Variants in ALDH2 observed in about 807,000 individuals in gnomAD.
The protein encoded by ALDH2 is aldehyde dehydrogenase 2 family member.
A neutral mutation model predicts 59.6 loss-of-function variants in ALDH2; 44 were observed. The observed-to-expected ratio is 0.74, with a 90% CI of 0.58 to 0.95. The LOEUF is 0.95. Among genes scored for constraint, ALDH2 ranks in the 40% least tolerant of loss-of-function variants. The pLI is 0.00. For missense variants in ALDH2, 570 were observed against 696.3 expected, an observed-to-expected ratio of 0.82 and a Z score of 2.04; for synonymous variants, 291 against 284.0, an observed-to-expected ratio of 1.02 and a Z score of -0.25.
Position 111,791,357 on chromosome 12 carries a change from G to T in ALDH2, c.733G>T (p.Ala245Ser). ...CATTGTGCCTGGATTTGGCCCCACG[G>T]CTGGGGCCGCCATTGCCTCCCATGA... is the stretch of plus-strand genomic sequence containing the variant. ...VNIVPGFGPT[A>S]GAAIASHEDV... The change falls in exon 7 of 13, where the codon GCT becomes TCT. Residue 245 changes from alanine to serine, a missense_variant. Transcript: ENST00000261733. 6.2e-7 allele frequency: 1 copy of T among 1,614,066 alleles called. No homozygotes were observed. The highest frequency in any genetic ancestry group is 8.5e-7 in the Non-Finnish European group (1 of 1,179,988).
chr12:111,785,379 G>A (rs771205908), intron 4 of ALDH2, 33 bp downstream of exon 4: 3 of 1,592,798 alleles, frequency 1.9e-6, no homozygotes, highest in Non-Finnish European at 2.6e-6. Context: ...CTTTGTTCTG[G>A]CAGGGGAAAA....
At chr12:111,802,327 G>A (rs373195043) in intron 11 of ALDH2, among the ~76,000 whole-genome samples, 12 of 149,736 alleles carry the variant, frequency 8.0e-5, no homozygotes, top group Admixed American at 7.4e-4. Flanking sequence ...CAGGAGAATC[G>A]CTTGAACCCG....
rs560531019 is a variant in ALDH2, at chr12:111,769,211, A to T, written c.114+2115A>T. The stretch of plus-strand genomic sequence containing the variant: ...CTTTATCAGACTTTTTGAGATCATT[A>T]AAGTAACACATGCCCACTGTATAAA... On this transcript the variant is annotated intron_variant, in intron 1 of 12. Coordinates refer to ENST00000261733, the MANE Select transcript of ALDH2 (RefSeq NM_000690.4). Among the ~76,000 whole-genome samples the T allele has an allele frequency of 7.9e-4, 120 of 152,274 alleles. 1 individual carries two copies. The highest frequency in any genetic ancestry group is 2.6e-3 in the African/African-American group (107 of 41,552).
At chr12:111,796,674 G>A (rs972870675) in intron 9 of ALDH2, among the ~76,000 whole-genome samples, 1 of 152,082 alleles carries the variant, frequency 6.6e-6, no homozygotes, top group African/African-American at 2.4e-5. Context: ...GGGAGGCCAA[G>A]GTGAGTCAAT....
chr12:111,796,014 A>G (rs1593082524), intron 9 of ALDH2, among the ~76,000 whole-genome samples: 1 of 151,732 alleles, frequency 6.6e-6, no homozygotes, highest in South Asian at 2.1e-4. Context: ...TAACCCCAAC[A>G]CTTTGGGAGG....
chr12:111,786,231 G>C (rs369166762), intron 4 of ALDH2, among the ~76,000 whole-genome samples: 27 of 152,154 alleles, frequency 1.8e-4, no homozygotes, highest in African/African-American at 6.5e-4. Flanking sequence ...TTGATTGATT[G>C]ATTGATTATT....
At chr12:111,806,040 G>A (rs1344005782) in intron 12 of ALDH2, among the ~76,000 whole-genome samples, 10 of 147,340 alleles carry the variant, frequency 6.8e-5, no homozygotes, top group Non-Finnish European at 1.2e-4. Context: ...CAGGCCGGGC[G>A]CAGTGGCTCA....
intron 9 of ALDH2, among the ~76,000 whole-genome samples, chr12:111,793,739 C>T (rs1008869120): frequency 3.3e-5 from 5 of 151,446 alleles, no homozygotes; most frequent in African/African-American, 1.2e-4. Flanking sequence ...GTGCGCACCA[C>T]CACGCCTGGC....
intron 1 of ALDH2, among the ~76,000 whole-genome samples, chr12:111,776,166 C>T (rs2068233094): frequency 6.6e-6 from 1 of 152,168 alleles, no homozygotes. Context: ...GCCCACCTCT[C>T]CCCTTCCTAC....
Position 111,792,123 on chromosome 12 carries a change from G to A in ALDH2, c.858G>A (p.Leu286=), listed in dbSNP as rs554937672. The stretch of plus-strand genomic sequence containing the variant: ...ACCTCAAGAGAGTGACCTTGGAGCT[G>A]GGGGGGAAGAGCCCCAACATCATCA... The part of the protein sequence containing the change: ...SSNLKRVTLE[L]GGKSPNIIMS... Residue 286 remains leucine (L), a synonymous_variant, in exon 8 of 13, where the codon CTG becomes CTA. Coordinates refer to ENST00000261733, the MANE Select transcript of ALDH2 (RefSeq NM_000690.4). The A allele has an allele frequency of 1.9e-6, 3 of 1,602,670 alleles. No individual in the cohort carries two copies. The highest frequency in any genetic ancestry group is 1.1e-5 in the South Asian group (1 of 89,648).
chr12:111,804,588 A>C (rs2068478944), intron 12 of ALDH2, among the ~76,000 whole-genome samples: 1 of 152,120 alleles, frequency 6.6e-6, no homozygotes, highest in South Asian at 2.1e-4. Context: ...TCTCTACTAA[A>C]ATACAAAAAT....
At chr12:111,787,709 A>T (rs553222159) in intron 4 of ALDH2, among the ~76,000 whole-genome samples, 105 of 152,236 alleles carry the variant, frequency 6.9e-4, no homozygotes, top group African/African-American at 2.5e-3. Context: ...CAGCCTGGCC[A>T]ACATGATGAA....
chr12:111,803,856 CA>C lies in ALDH2; in HGVS notation c.1407-2del, dbSNP rs766648464. The C allele has an allele frequency of 6.2e-7, 1 of 1,602,094 alleles. No homozygotes were observed. Among genetic ancestry groups the C allele is most frequent in the South Asian group, 1.1e-5 (1 of 89,540 alleles). ...ATTTCTGCAATCTCGTTTCAAATTA[CA>C]GGGTCAACTGCTATGATGTGTTTGG... On this transcript the variant is annotated splice_acceptor_variant, in intron 11 of 12. Transcript: ENST00000261733. LOFTEE classifies it high-confidence loss of function.
chr12:111,795,414 G>T (rs905407354), intron 9 of ALDH2, among the ~76,000 whole-genome samples: 2 of 151,300 alleles, frequency 1.3e-5, no homozygotes, highest in African/African-American at 4.9e-5. Context: ...TCCTGAGTAG[G>T]TGGGACTACA....
Position 111,811,663 on chromosome 12 carries a change from G to A in ALDH2, c.*2088G>A, listed in dbSNP as rs1015316397. On this transcript the variant is annotated 3_prime_UTR_variant, in exon 13 of 13. Transcript: ENST00000261733. The stretch of plus-strand genomic sequence containing the variant: ...TAATTTTTGTATTTTTAGTAGAGAC[G>A]GGGTTTTGCCATGTTGGCCAGGCTG... The A allele has an allele frequency of 2.0e-5, 3 of 152,300 alleles. No homozygotes were observed. The highest frequency in any genetic ancestry group is 2.9e-5 in the Non-Finnish European group (2 of 68,244). 9.4% of individuals were successfully genotyped at this position (152,300 alleles called of 1,614,324 possible).
intron 3 of ALDH2, 59 bp from the exon 4 acceptor site, chr12:111,785,208 C>T: frequency 7.1e-7 from 1 of 1,403,656 alleles, no homozygotes; most frequent in Non-Finnish European, 1.0e-6. Flanking sequence ...CCTCTGTCAG[C>T]CCTTTGTTTT....
At position 111,814,922 on chromosome 12, in the gene ALDH2, T is replaced by C. The variant is rs1393006820; in HGVS notation, c.*5347T>C. On this transcript the variant is annotated 3_prime_UTR_variant, in exon 13 of 13. Coordinates refer to ENST00000261733, the MANE Select transcript of ALDH2 (RefSeq NM_000690.4). The stretch of plus-strand genomic sequence containing the variant: ...GGGTCCCAGAGCTGGTCAGGGGAAC[T>C]TGGACAAACCACACAACTTCTGAGC... 1 of 152,190 alleles carries C rather than the reference T, an allele frequency of 6.6e-6. No homozygotes were observed. Among genetic ancestry groups the C allele is most frequent in the East Asian group, 1.9e-4 (1 of 5,206 alleles). The allele number at this position is 152,190 out of a possible 1,614,324, so 9.4% of individuals were successfully genotyped here.
chr12:111,801,956 TA>T (rs969451234), intron 11 of ALDH2, among the ~76,000 whole-genome samples: 1 of 151,968 alleles, frequency 6.6e-6, no homozygotes, highest in Non-Finnish European at 1.5e-5. Context: ...TTGTACACTT[TA>T]AAATGGTGAA....
In ALDH2 at chr12:111,802,835, G is replaced by A. The variant is rs1404775602; in HGVS notation, c.1407-1024G>A. Reference sequence around the variant, plus strand: ...GCGGAGCTTGCGGTGAGCCGAGATCGCACCACTGCACTCCAGCCAGGGCGA... The same window carrying A: ...GCGGAGCTTGCGGTGAGCCGAGATCACACCACTGCACTCCAGCCAGGGCGA... On this transcript the variant is annotated intron_variant, in intron 11 of 12. Transcript: ENST00000261733. Among the ~76,000 whole-genome samples the A allele has an allele frequency of 2.1e-5, 3 of 142,622 alleles. 1 individual carries two copies. Among genetic ancestry groups the A allele is most frequent in the Admixed American group, 1.5e-4 (2 of 13,662 alleles). 93.6% of individuals were successfully genotyped at this position (142,622 alleles called of 152,430 possible). A position where few individuals can be genotyped will look rare whatever the true frequency, so the allele number is the denominator to read the frequency against.
Sources: gnomAD v4.1 joint callset for allele counts (sites outside exome capture counted in the v4.1 genomes callset) on GRCh38, gnomAD v4.1.1 for gene constraint, MANE v1.5 for transcripts, NCBI Gene and HGNC (gene_info 2026-07-23, HGNC 2026-07-21) for gene names.